Variants in ERBB4 observed in about 807,000 individuals in gnomAD.
ERBB4 encodes erb-b2 receptor tyrosine kinase 4, also known as receptor tyrosine-protein kinase erbB-4.
Under a neutral mutation model 158.0 loss-of-function variants are expected in ERBB4, and 42 were observed. The observed-to-expected ratio is 0.27, with a 90% CI of 0.21 to 0.34. The LOEUF is 0.34. ERBB4 is among the 10% of genes least tolerant of loss of function. The pLI is 1.00. For missense variants in ERBB4, 1,333 were observed against 1,624.1 expected, an observed-to-expected ratio of 0.82 and a Z score of 3.08; for synonymous variants, 583 against 558.7, an observed-to-expected ratio of 1.04 and a Z score of -0.61.
At chr2:211,491,797 T>G (rs1398976139) in intron 20 of ERBB4, among the ~76,000 whole-genome samples, 1 of 152,050 alleles carries the variant, frequency 6.6e-6, no homozygotes, top group Non-Finnish European at 1.5e-5. Context: ...GAAACATCAT[T>G]CTTGTTTTAT....
intron 2 of ERBB4, among the ~76,000 whole-genome samples, chr2:212,076,672 A>G (rs138137999): frequency 1.3e-5 from 2 of 152,128 alleles, no homozygotes; most frequent in Non-Finnish European, 2.9e-5. Flanking sequence ...GCAGGGTAAG[A>G]GAAAGGAGTG....
At chr2:211,605,968 G>C (rs528404952) in intron 19 of ERBB4, among the ~76,000 whole-genome samples, 137 of 152,004 alleles carry the variant, frequency 9.0e-4, no homozygotes, top group Non-Finnish European at 1.8e-3. Flanking sequence ...CTCCTAATTA[G>C]TACTTATAAA....
In ERBB4 at chr2:211,893,394, T is replaced by C. The variant is rs574869379; in HGVS notation, c.421+54036A>G. The stretch of plus-strand genomic sequence containing the variant: ...GAAACTGGATCCCTTCCTTACACTT[T>C]ATACAAAAATCAATTCAAGATGGAT... On this transcript the variant is annotated intron_variant, in intron 3 of 27. Coordinates refer to ENST00000342788, the MANE Select transcript of ERBB4 (RefSeq NM_005235.3). Among the ~76,000 whole-genome samples, 382 of 142,354 alleles carry C rather than the reference T, an allele frequency of 2.7e-3. 64 individuals carry two copies. Among genetic ancestry groups the C allele is most frequent in the African/African-American group, 1.0e-2 (356 of 35,658 alleles). 93.4% of individuals were successfully genotyped at this position (142,354 alleles called of 152,430 possible).
intron 20 of ERBB4, among the ~76,000 whole-genome samples, chr2:211,506,973 T>C (rs553232556): frequency 1.3e-5 from 2 of 152,186 alleles, no homozygotes; most frequent in Admixed American, 1.3e-4. Flanking sequence ...GACTGCTAGC[T>C]AGTTTAACGA....
intron 1 of ERBB4, among the ~76,000 whole-genome samples, chr2:212,185,239 C>A (rs1188322341): frequency 1.3e-5 from 2 of 151,808 alleles, no homozygotes; most frequent in Admixed American, 1.3e-4. Flanking sequence ...CCAGGCTGGT[C>A]TCAAACTCCT....
chr2:212,187,452 G>T (rs4619547), intron 1 of ERBB4, among the ~76,000 whole-genome samples: 63,971 of 133,344 alleles, frequency 0.48, 15,930 homozygotes, highest in East Asian at 0.77. Flanking sequence ...AATAAATAAA[G>T]ATGTTAATCT....
Position 211,568,605 on chromosome 2 carries a change from T to C in ERBB4, c.2302-6517A>G, listed in dbSNP as rs866212050. On this transcript the variant is annotated intron_variant, in intron 19 of 27. Transcript: ENST00000342788. ...CAGCCAAACTCTGTTTCATTGTATC[T>C]ATGGACCATTAATGCAATACCCTCC... Among the ~76,000 whole-genome samples the C allele has an allele frequency of 4.6e-5, 7 of 152,274 alleles. No individual in the cohort carries two copies. The Middle Eastern group carries it at 0.024, about 518-fold the overall frequency.
At chr2:212,092,913 C>G (rs2078823062) in intron 2 of ERBB4, among the ~76,000 whole-genome samples, 1 of 152,080 alleles carries the variant, frequency 6.6e-6, no homozygotes. Flanking sequence ...ACCAATGTAA[C>G]AAACCTGCAC....
At chr2:212,027,675 C>T (rs2076805491) in intron 2 of ERBB4, among the ~76,000 whole-genome samples, 1 of 151,992 alleles carries the variant, frequency 6.6e-6, no homozygotes, top group African/African-American at 2.4e-5. Flanking sequence ...GAAAACAGAA[C>T]CTACTTTCAT....
chr2:212,373,890 C>CAT lies in ERBB4; in HGVS notation c.82+164557_82+164558dup, dbSNP rs71054200. On this transcript the variant is annotated intron_variant, in intron 1 of 27. Transcript: ENST00000342788. ...ATATATATATATCCATGTATATATC[C>CAT]ATATATATATATCCATGTATATATC... 1.1e-4 allele frequency among the ~76,000 whole-genome samples: 11 copies of CAT among 98,592 alleles called. 1 individual carries two copies. Among genetic ancestry groups the CAT allele is most frequent in the South Asian group, 3.3e-4 (1 of 3,028 alleles). 64.7% of individuals were successfully genotyped at this position (98,592 alleles called of 152,430 possible).
chr2:211,868,027 G>T (rs1319415137), intron 3 of ERBB4, among the ~76,000 whole-genome samples: 1 of 152,186 alleles, frequency 6.6e-6, no homozygotes, highest in Non-Finnish European at 1.5e-5. Flanking sequence ...TGAAGTTCCA[G>T]ATTCTACTAT....
intron 20 of ERBB4, among the ~76,000 whole-genome samples, chr2:211,431,520 A>T (rs2063748106): frequency 6.6e-6 from 1 of 152,142 alleles, no homozygotes; most frequent in African/African-American, 2.4e-5. Flanking sequence ...CCAAACAAAT[A>T]CCTTTATCCA....
intron 1 of ERBB4, among the ~76,000 whole-genome samples, chr2:212,131,388 T>C (rs529615045): frequency 2.6e-5 from 4 of 152,292 alleles, no homozygotes. Context: ...CCAAACTCTT[T>C]AGCTTGTAAG....
At chr2:211,603,156 G>A (rs1024186354) in intron 19 of ERBB4, among the ~76,000 whole-genome samples, 3 of 152,094 alleles carry the variant, frequency 2.0e-5, no homozygotes, top group Non-Finnish European at 2.9e-5. Context: ...GCTTGAACCC[G>A]GGAGGCGGAG....
chr2:211,476,995 C>T (rs2064970348), intron 20 of ERBB4, among the ~76,000 whole-genome samples: 1 of 152,054 alleles, frequency 6.6e-6, no homozygotes, highest in Non-Finnish European at 1.5e-5. Flanking sequence ...GCCATAGTCT[C>T]AGAGATTTGG....
chr2:211,728,769 TATGTCTAAG>T (rs2074349145), intron 5 of ERBB4, among the ~76,000 whole-genome samples: 1 of 151,890 alleles, frequency 6.6e-6, no homozygotes, highest in Non-Finnish European at 1.5e-5. Context: ...CATAGACAGA[TATGTCTAAG>T]TGTTACTTTT....
intron 3 of ERBB4, among the ~76,000 whole-genome samples, chr2:211,932,063 G>C (rs141182336): frequency 1.0e-3 from 154 of 152,104 alleles, no homozygotes; most frequent in Non-Finnish European, 1.6e-3. Context: ...TCAAAACTCA[G>C]GCTTTTTTCT....
At chr2:211,865,269 G>GA (rs1291686943) in intron 3 of ERBB4, among the ~76,000 whole-genome samples, 2 of 151,404 alleles carry the variant, frequency 1.3e-5, no homozygotes, top group Non-Finnish European at 2.9e-5. Flanking sequence ...TAGGAGATTG[G>GA]AAAAAACCTG....
chr2:212,375,201 C>A (rs1456360017), intron 1 of ERBB4, among the ~76,000 whole-genome samples: 1 of 151,986 alleles, frequency 6.6e-6, no homozygotes, highest in Non-Finnish European at 1.5e-5. Context: ...TTACAGAAGT[C>A]TCAGATTATG....
Sources: allele counts gnomAD v4.1 joint callset (sites outside exome capture counted in the v4.1 genomes callset), GRCh38; gene constraint gnomAD v4.1.1; transcripts MANE v1.5; gene names NCBI Gene and HGNC (gene_info 2026-07-23, HGNC 2026-07-21).